CEPT1: variants seen among roughly 807,000 people sequenced by gnomAD.
CEPT1 encodes choline/ethanolamine phosphotransferase 1, also known as choline/ethanolaminephosphotransferase 1.
CEPT1 carries 7 observed loss-of-function variants against 42.6 expected under a neutral mutation model. The observed-to-expected ratio is 0.16, with a 90% CI of 0.09 to 0.31. The LOEUF (loss-of-function observed/expected upper bound fraction) is 0.31. Ranked by LOEUF, CEPT1 falls within the 10% of genes least tolerant of loss-of-function variation. The pLI, the probability that CEPT1 is intolerant of heterozygous loss-of-function variation, is 1.00. For synonymous variants in CEPT1, 171 were observed against 171.9 expected (o/e 0.99, Z 0.04); for missense variants, 306 against 502.1 (o/e 0.61, Z 3.73).
intron 4 of CEPT1, among the ~76,000 whole-genome samples, chr1:111,165,344 G>A (rs376693902): frequency 6.6e-5 from 10 of 151,040 alleles, no homozygotes; most frequent in South Asian, 2.1e-4. Flanking sequence ...CACTGCGCCC[G>A]GCCTAAAACA....
chr1:111,162,650 G>A (rs1008173082), intron 4 of CEPT1, among the ~76,000 whole-genome samples: 9 of 152,190 alleles, frequency 5.9e-5, no homozygotes, highest in African/African-American at 1.9e-4. Flanking sequence ...AGTAGGAGGC[G>A]TACTGGAATA....
At chr1:111,183,610 T>C (rs929187292) in intron 8 of CEPT1, 23 bp downstream of exon 8, 1 of 1,598,024 alleles carries the variant, frequency 6.3e-7, no homozygotes, top group South Asian at 1.1e-5. Context: ...CTAAGTCTTA[T>C]TTCATGGTTT....
chr1:111,141,263 G>A (rs532374546), intron 1 of CEPT1, among the ~76,000 whole-genome samples: 1 of 152,320 alleles, frequency 6.6e-6, no homozygotes, highest in Admixed American at 6.5e-5. Flanking sequence ...GGCATTTAGA[G>A]CATTACTAAT....
At chr1:111,156,438 T>G (rs769826380) in intron 2 of CEPT1, among the ~76,000 whole-genome samples, 3 of 152,226 alleles carry the variant, frequency 2.0e-5, no homozygotes, top group Non-Finnish European at 2.9e-5. Context: ...TGTAGTGCAC[T>G]CTAAGTTCAA....
At chr1:111,183,090 C>G (rs1657071472) in intron 7 of CEPT1, 133 bp downstream of exon 7, 2 of 855,036 alleles carry the variant, frequency 2.3e-6, no homozygotes, top group South Asian at 3.6e-5. Flanking sequence ...CTCTTGATAT[C>G]AACATGGGAA....
chr1:111,170,424 ACTTGT>A (rs1245672745), intron 4 of CEPT1, among the ~76,000 whole-genome samples: 2 of 152,156 alleles, frequency 1.3e-5, no homozygotes, highest in Non-Finnish European at 2.9e-5. Context: ...TCAAAAATAG[ACTTGT>A]CTTGCTGTCT....
chr1:111,154,111 C>G (rs571746064), intron 2 of CEPT1, among the ~76,000 whole-genome samples: 80 of 151,764 alleles, frequency 5.3e-4, no homozygotes, highest in East Asian at 3.3e-3. Flanking sequence ...TATATGTCCT[C>G]CTCAGTTTCT....
At chr1:111,158,902 CTTTTTT>C (rs149230078) in intron 2 of CEPT1, among the ~76,000 whole-genome samples, 10 of 55,434 alleles carry the variant, frequency 1.8e-4, no homozygotes, top group South Asian at 7.4e-4. Context: ...TTTTACAATT[CTTTTTT>C]TTTTTTTTTT....
chr1:111,181,971 GT>G (rs1657016047), intron 5 of CEPT1: 1 of 321,856 alleles, frequency 3.1e-6, no homozygotes, highest in African/African-American at 2.2e-5. Context: ...TTTTTTTAAG[GT>G]TGATGGCTGA....
chr1:111,158,064 G>A (rs1314407137), intron 2 of CEPT1, among the ~76,000 whole-genome samples: 2 of 152,154 alleles, frequency 1.3e-5, no homozygotes, highest in South Asian at 2.1e-4. Context: ...ATACCAGGCT[G>A]GGTGCGTTGG....
chr1:111,155,024 T>C (rs1261215178), intron 2 of CEPT1, among the ~76,000 whole-genome samples: 2 of 152,230 alleles, frequency 1.3e-5, no homozygotes, highest in African/African-American at 4.8e-5. Context: ...AAGAATTTTC[T>C]CTCCAGTATT....
chr1:111,180,782 A>G (rs915184916), intron 5 of CEPT1: 1 of 152,180 alleles, frequency 6.6e-6, no homozygotes, highest in Non-Finnish European at 1.5e-5. Context: ...GAGGTTTTCT[A>G]TATAGTAGGA....
intron 5 of CEPT1, chr1:111,181,448 C>A (rs1455692143): frequency 6.6e-6 from 1 of 152,170 alleles, no homozygotes; most frequent in Non-Finnish European, 1.5e-5. Flanking sequence ...TGACATCAAT[C>A]CACTCTGTCC....
chr1:111,183,331 T>G lies in CEPT1; in HGVS notation c.1006-131T>G. The G allele has an allele frequency of 5.8e-6, 6 of 1,033,392 alleles. No individual in the cohort carries two copies. In the South Asian group the frequency reaches 9.6e-5, roughly 17 times the overall value. 64.0% of individuals were successfully genotyped at this position (1,033,392 alleles called of 1,614,324 possible). A position where few individuals can be genotyped will look rare whatever the true frequency, so the allele number is the denominator to read the frequency against. ...AGACGCATTTCATATTGTTGGGTTT[T>G]TAGTTTTGGGAATTCAACAGCTATT... On this transcript the variant is annotated intron_variant, in intron 7 of 8. Coordinates refer to ENST00000357172, the MANE Select transcript of CEPT1 (RefSeq NM_006090.5).
chr1:111,147,627 T>A lies in CEPT1; in HGVS notation c.-73-15T>A, dbSNP rs1034481734. 167 of 846,278 alleles carry A rather than the reference T, an allele frequency of 2.0e-4. No homozygotes were observed. The African/African-American group carries it at 2.6e-3, about 13-fold the overall frequency. The allele number at this position is 846,278 out of a possible 1,614,324, so 52.4% of individuals were successfully genotyped here. A position where few individuals can be genotyped will look rare whatever the true frequency, so the allele number is the denominator to read the frequency against. On this transcript the variant is annotated splice_polypyrimidine_tract_variant and intron_variant, in intron 1 of 8. Coordinates refer to ENST00000357172, the MANE Select transcript of CEPT1 (RefSeq NM_006090.5). ...CAAGTGTATTTTTTAATTTTTATTTTATTTTATTTTTTAGGTAAGCACCAG... is the reference window on the plus strand; with the variant it reads ...CAAGTGTATTTTTTAATTTTTATTTAATTTTATTTTTTAGGTAAGCACCAG...
At chr1:111,183,674 C>A in intron 8 of CEPT1, 87 bp downstream of exon 8, 3 of 1,282,260 alleles carry the variant, frequency 2.3e-6, no homozygotes, top group Middle Eastern at 2.7e-4. Context: ...CATGAAAGAT[C>A]GTTCATATAA....
chr1:111,178,556 T>G (rs1045750942), intron 5 of CEPT1: 28 of 152,136 alleles, frequency 1.8e-4, no homozygotes, highest in African/African-American at 5.3e-4. Context: ...TATTTTTTGT[T>G]TGTTGCTTCC....
Position 111,174,879 on chromosome 1 carries a change from A to T in CEPT1, c.630A>T (p.Ile210=). ...TYVSGTLRFG[I]IDVTEVQIFI... The stretch of plus-strand genomic sequence containing the variant: ...CTTTTGGCTTTTTGTACCTAATCAG[A>T]ATTGATGTGACTGAAGTGCAAATCT... The change falls in exon 5 of 9, where the codon ATA becomes ATT. Residue 210 remains isoleucine (I), a splice_region_variant and synonymous_variant. Coordinates refer to ENST00000357172, the MANE Select transcript of CEPT1 (RefSeq NM_006090.5). 1 of 1,605,242 alleles carries T rather than the reference A, an allele frequency of 6.2e-7. No homozygotes were observed. The highest frequency in any genetic ancestry group is 2.2e-5 in the East Asian group (1 of 44,772).
intron 6 of CEPT1, 106 bp downstream of exon 6, chr1:111,182,424 T>C: frequency 8.0e-7 from 1 of 1,244,948 alleles, no homozygotes; most frequent in Non-Finnish European, 1.1e-6. Flanking sequence ...AATTTATAAT[T>C]TATACTTAGC....
Sources: allele counts gnomAD v4.1 joint callset (sites outside exome capture counted in the v4.1 genomes callset), GRCh38; gene constraint gnomAD v4.1.1; transcripts MANE v1.5; gene names NCBI Gene and HGNC (gene_info 2026-07-23, HGNC 2026-07-21).